USP34: variants seen among roughly 807,000 people sequenced by gnomAD.
USP34 encodes ubiquitin carboxyl-terminal hydrolase 34.
USP34 carries 70 observed loss-of-function variants against 460.3 expected under a neutral mutation model. The observed-to-expected ratio is 0.15, with a 90% CI of 0.13 to 0.19. The LOEUF (loss-of-function observed/expected upper bound fraction) is 0.19. Ranked by LOEUF, USP34 falls within the 10% of genes least tolerant of loss-of-function variation. The probability of loss-of-function intolerance (pLI) is 1.00; values close to 1 mark genes in which losing one functional copy is unlikely to be tolerated. For synonymous variants in USP34, 1,647 were observed against 1,405.3 expected, an observed-to-expected ratio of 1.17 and a Z score of -3.85; for missense variants, 3,985 against 4,236.2, an observed-to-expected ratio of 0.94 and a Z score of 1.65.
intron 29 of USP34, among the ~76,000 whole-genome samples, 195 bp downstream of exon 29, chr2:61,300,756 A>G (rs1690192265): frequency 6.6e-6 from 1 of 150,968 alleles, no homozygotes; most frequent in Admixed American, 6.6e-5. Context: ...AGATTGCACC[A>G]CTGCACTCCA....
intron 6 of USP34, among the ~76,000 whole-genome samples, chr2:61,380,642 T>C (rs1169846200): frequency 6.6e-6 from 1 of 152,214 alleles, no homozygotes; most frequent in African/African-American, 2.4e-5. Flanking sequence ...GTGACTTTGC[T>C]ATTCCTCTCA....
intron 41 of USP34, among the ~76,000 whole-genome samples, chr2:61,273,679 C>A (rs1689286602): frequency 6.6e-6 from 1 of 152,152 alleles, no homozygotes; most frequent in African/African-American, 2.4e-5. Context: ...TGCACCACTG[C>A]ACTCCAGCCT....
At chr2:61,191,286 AAGT>A (rs1333413181) in intron 76 of USP34, 1 of 152,306 alleles carries the variant, frequency 6.6e-6, no homozygotes, top group Non-Finnish European at 1.5e-5. Context: ...TCTTAAACAC[AAGT>A]AGTATGTCTT....
intron 41 of USP34, among the ~76,000 whole-genome samples, chr2:61,269,625 A>G (rs1237068762): frequency 2.0e-5 from 3 of 152,064 alleles, no homozygotes; most frequent in Non-Finnish European, 4.4e-5. Flanking sequence ...CTTTGAGGAG[A>G]CACCTAGGTT....
At chr2:61,462,391 A>C (rs1175911967) in intron 1 of USP34, among the ~76,000 whole-genome samples, 1 of 151,614 alleles carries the variant, frequency 6.6e-6, no homozygotes, top group East Asian at 1.9e-4. Flanking sequence ...CCTACAAAAA[A>C]CACAAATATT....
intron 27 of USP34, among the ~76,000 whole-genome samples, chr2:61,308,686 C>CTA (rs1553367718): frequency 6.6e-6 from 1 of 152,054 alleles, no homozygotes; most frequent in Non-Finnish European, 1.5e-5. Context: ...GATAAAAGAC[C>CTA]TATACTCAGG....
chr2:61,339,156 G>A (rs1406910756), intron 18 of USP34, among the ~76,000 whole-genome samples, 195 bp downstream of exon 18: 3 of 152,140 alleles, frequency 2.0e-5, no homozygotes, highest in Admixed American at 6.5e-5. Flanking sequence ...GCTGAAAAGA[G>A]CAACACTGAG....
chr2:61,419,119 T>C (rs1485050553), intron 2 of USP34, among the ~76,000 whole-genome samples: 2 of 152,198 alleles, frequency 1.3e-5, no homozygotes. Flanking sequence ...CTTAACTCAT[T>C]TGTCATCATC....
intron 19 of USP34, among the ~76,000 whole-genome samples, chr2:61,332,598 G>A (rs1313577985): frequency 6.6e-6 from 1 of 151,936 alleles, no homozygotes; most frequent in East Asian, 1.9e-4. Flanking sequence ...GCCCGTGTTA[G>A]CACCAAATGA....
In USP34 at chr2:61,245,197, GAATAA is replaced by G. The variant is rs753967723; in HGVS notation, c.6627+8_6627+12del. On this transcript the variant is annotated splice_region_variant and intron_variant, in intron 51 of 79. Coordinates refer to ENST00000398571, the MANE Select transcript of USP34 (RefSeq NM_014709.4). ...AGGACACAAACCATTTATAATTTCT[GAATAA>G]AACTTACCGTCATCTCTCCACCAAA... 54 of 1,603,296 alleles carry G rather than the reference GAATAA, an allele frequency of 3.4e-5. No individual in the cohort carries two copies. In the African/African-American group the frequency reaches 6.6e-4, roughly 20 times the overall value.
intron 21 of USP34, among the ~76,000 whole-genome samples, chr2:61,323,241 G>A (rs920702388): frequency 6.6e-6 from 1 of 152,188 alleles, no homozygotes; most frequent in Non-Finnish European, 1.5e-5. Flanking sequence ...GCTGGGCGCA[G>A]CGGCTCACGC....
At chr2:61,190,244 G>A (rs1056646187) in intron 78 of USP34, 27 bp downstream of exon 78, 1 of 1,581,586 alleles carries the variant, frequency 6.3e-7, no homozygotes, top group Admixed American at 1.9e-5. Flanking sequence ...TTAAAAGTGT[G>A]TGCCGCCGCC....
chr2:61,431,236 G>C (rs1439646212), intron 1 of USP34, among the ~76,000 whole-genome samples: 1 of 151,982 alleles, frequency 6.6e-6, no homozygotes, highest in Non-Finnish European at 1.5e-5. Context: ...GTTTTTGTTT[G>C]TTTAGAGAAG....
chr2:61,245,072 A>C, intron 51 of USP34, 138 bp downstream of exon 51: 2 of 591,814 alleles, frequency 3.4e-6, no homozygotes, highest in Non-Finnish European at 5.9e-6. Flanking sequence ...CTAAACTTCC[A>C]ATAAATATAA....
intron 75 of USP34, among the ~76,000 whole-genome samples, chr2:61,198,900 A>G (rs545610958): frequency 1.3e-5 from 2 of 152,228 alleles, no homozygotes; most frequent in Non-Finnish European, 2.9e-5. Context: ...AGTCTGGGCA[A>G]CTTCTCATGT....
chr2:61,188,576 C>T lies in USP34; in HGVS notation c.10167G>A (p.Glu3389=). 1.2e-6 allele frequency: 2 copies of T among 1,614,190 alleles called. No homozygotes were observed. Among genetic ancestry groups the T allele is most frequent in the Non-Finnish European group, 8.5e-7 (1 of 1,180,038 alleles). ...VLTPTSTSDN[E]TRDSSIIDPG... is the part of the protein sequence containing the mutation. ...GATCAATAATTGAGGAGTCTCTGGT[C>T]TCATTGTCAGAAGTGCTCGTTGGGG... Residue 3389 remains glutamate, a synonymous_variant, in exon 80 of 80, where the codon GAG becomes GAA. Coordinates refer to ENST00000398571, the MANE Select transcript of USP34 (RefSeq NM_014709.4).
intron 1 of USP34, among the ~76,000 whole-genome samples, chr2:61,434,465 G>C (rs1694759251): frequency 6.6e-6 from 1 of 152,160 alleles, no homozygotes; most frequent in Non-Finnish European, 1.5e-5. Flanking sequence ...CTCCTGGCCA[G>C]AGTAACAGTC....
At chr2:61,349,766 G>A (rs756908088) in intron 12 of USP34, among the ~76,000 whole-genome samples, 5 of 151,878 alleles carry the variant, frequency 3.3e-5, no homozygotes, top group South Asian at 4.1e-4. Flanking sequence ...ACGTGAACCC[G>A]GGAGACGCAG....
intron 68 of USP34, 80 bp from the exon 69 acceptor site, chr2:61,212,009 A>C: frequency 7.1e-7 from 1 of 1,398,770 alleles, no homozygotes; most frequent in Non-Finnish European, 9.6e-7. Flanking sequence ...TACGTTCATT[A>C]ATCAACTCTT....
Sources: gnomAD v4.1 joint callset for allele counts (sites outside exome capture counted in the v4.1 genomes callset) on GRCh38, gnomAD v4.1.1 for gene constraint, MANE v1.5 for transcripts, NCBI Gene and HGNC (gene_info 2026-07-23, HGNC 2026-07-21) for gene names.